UHRF1: variants seen among roughly 807,000 people sequenced by gnomAD.
The protein encoded by UHRF1 is ubiquitin like with PHD and ring finger domains 1.
Under a neutral mutation model 96.5 loss-of-function variants are expected in UHRF1, and 9 were observed. The observed-to-expected ratio is 0.09, with a 90% CI of 0.06 to 0.16. The LOEUF (loss-of-function observed/expected upper bound fraction) is 0.16. Ranked by LOEUF, UHRF1 falls within the 10% of genes least tolerant of loss-of-function variation. The probability of loss-of-function intolerance (pLI) is 1.00; values close to 1 mark genes in which losing one functional copy is unlikely to be tolerated. For synonymous variants in UHRF1, 455 were observed against 469.9 expected (o/e 0.97, Z 0.41); for missense variants, 626 against 1,131.1 (o/e 0.55, Z 6.40).
intron 13 of UHRF1, among the ~76,000 whole-genome samples, chr19:4,953,317 G>A (rs1385303271): frequency 6.6e-6 from 1 of 152,168 alleles, no homozygotes; most frequent in Non-Finnish European, 1.5e-5. Context: ...AACCGTTGAT[G>A]TATAATTTTT....
chr19:4,938,995 C>G (rs969157522), intron 5 of UHRF1, among the ~76,000 whole-genome samples: 1 of 151,814 alleles, frequency 6.6e-6, no homozygotes, highest in African/African-American at 2.4e-5. Flanking sequence ...TTCCCTGCAA[C>G]CTCCACCTCC....
intron 10 of UHRF1, among the ~76,000 whole-genome samples, chr19:4,946,607 G>A (rs895842132): frequency 1.3e-4 from 20 of 149,092 alleles, no homozygotes; most frequent in Non-Finnish European, 2.8e-4. Context: ...TTTTGAGACC[G>A]AGTCTCATTC....
intron 5 of UHRF1, among the ~76,000 whole-genome samples, chr19:4,939,135 C>G (rs2033308681): frequency 6.6e-6 from 1 of 150,712 alleles, no homozygotes; most frequent in Admixed American, 6.7e-5. Context: ...CCAGGCTGGT[C>G]TTGAACTCCT....
intron 2 of UHRF1, among the ~76,000 whole-genome samples, chr19:4,927,969 C>T (rs1190155351): frequency 1.3e-5 from 2 of 152,238 alleles, no homozygotes; most frequent in African/African-American, 2.4e-5. Flanking sequence ...CTCCTCTCTC[C>T]CTTCCCACTC....
At chr19:4,911,473 T>C (rs909147388) in intron 2 of UHRF1, among the ~76,000 whole-genome samples, 15 of 152,126 alleles carry the variant, frequency 9.9e-5, no homozygotes, top group Non-Finnish European at 1.6e-4. Context: ...CGGTTAAGCA[T>C]CAGACCCTGC....
At chr19:4,931,814 G>A (rs186287105) in intron 4 of UHRF1, among the ~76,000 whole-genome samples, 11 of 151,972 alleles carry the variant, frequency 7.2e-5, no homozygotes, top group African/African-American at 2.7e-4. Flanking sequence ...AGGCTGGAGT[G>A]CAATGGTGTG....
intron 1 of UHRF1, among the ~76,000 whole-genome samples, chr19:4,904,401 A>C (rs2602716): frequency 2.6e-5 from 4 of 151,864 alleles, no homozygotes; most frequent in African/African-American, 7.3e-5. Context: ...GGATGGTCTC[A>C]ATCTCCTGAC....
intron 2 of UHRF1, among the ~76,000 whole-genome samples, chr19:4,921,122 CAAAAAAGAAAAAAA>C (rs2032687560): frequency 1.4e-5 from 2 of 143,228 alleles, no homozygotes; most frequent in African/African-American, 5.2e-5. Context: ...GACTCCGTCT[CAAAAAAGAAAAAAA>C]AAGAAAGAAA....
intron 2 of UHRF1, among the ~76,000 whole-genome samples, chr19:4,924,098 T>C (rs547986853): frequency 1.3e-5 from 2 of 152,178 alleles, no homozygotes; most frequent in African/African-American, 4.8e-5. Context: ...TCTTGAGTAT[T>C]TGGGATTACA....
At chr19:4,914,825 C>T (rs1194418276) in intron 2 of UHRF1, among the ~76,000 whole-genome samples, 4 of 152,188 alleles carry the variant, frequency 2.6e-5, no homozygotes, top group Non-Finnish European at 1.5e-5. Flanking sequence ...ATACCCACCA[C>T]GCTGCAGCGC....
intron 2 of UHRF1, among the ~76,000 whole-genome samples, chr19:4,913,892 A>G (rs1317661203): frequency 7.3e-6 from 1 of 137,384 alleles, no homozygotes; most frequent in Admixed American, 7.6e-5. Context: ...GCTTACCTCA[A>G]CCTCCACCTC....
At chr19:4,946,041 T>C (rs1161233931) in intron 10 of UHRF1, 76 bp downstream of exon 10, 17 of 1,172,734 alleles carry the variant, frequency 1.4e-5, no homozygotes, top group African/African-American at 3.2e-5. Flanking sequence ...TAGAACAAAA[T>C]TTCCCATCCT....
intron 10 of UHRF1, 61 bp downstream of exon 10, chr19:4,946,026 A>C: frequency 1.5e-6 from 2 of 1,330,770 alleles, no homozygotes; most frequent in Non-Finnish European, 2.1e-6. Context: ...TGGTGGTAAA[A>C]TACATAGAAC....
intron 5 of UHRF1, among the ~76,000 whole-genome samples, chr19:4,937,534 T>C (rs1481121947): frequency 6.6e-6 from 1 of 151,920 alleles, no homozygotes; most frequent in African/African-American, 2.4e-5. Flanking sequence ...CAGCTTATTT[T>C]TGTATTTTTA....
chr19:4,944,139 C>A lies in UHRF1; in HGVS notation c.1081C>A (p.Pro361Thr). ...SVPSEDEWYC[P>T]ECRNDASEVV... The stretch of plus-strand genomic sequence containing the variant: ...ACAATCCCGACCTCGCAGGTACTGC[C>A]CTGAGTGCCGGAATGATGCCAGCGA... The change falls in exon 8 of 17, where the codon CCT becomes ACT. Residue 361 changes from proline to threonine, a missense_variant. This residue lies in a region of UHRF1 where 69 missense variants were observed against 159.8 expected (regional missense o/e 0.43). Coordinates refer to ENST00000650932, the MANE Select transcript of UHRF1 (RefSeq NM_001048201.3). The A allele has an allele frequency of 6.2e-7, 1 of 1,613,808 alleles. No homozygotes were observed. The highest frequency in any genetic ancestry group is 8.5e-7 in the Non-Finnish European group (1 of 1,179,868).
In UHRF1 at chr19:4,947,125, A is replaced by G. The variant is rs772087311; in HGVS notation, c.1431A>G (p.Thr477=). 1.2e-6 allele frequency: 2 copies of G among 1,613,172 alleles called. No homozygotes were observed. The highest frequency in any genetic ancestry group is 2.2e-5 in the East Asian group (1 of 44,854). Residue 477 remains threonine (T), a synonymous_variant, in exon 11 of 17, where the codon ACA becomes ACG. Transcript: ENST00000650932. ...TTCAGGACCATGGGAATTTTTTCACATACACGGGTAGTGGTGGTCGAGATC... is the reference window on the plus strand; with the variant it reads ...TTCAGGACCATGGGAATTTTTTCACGTACACGGGTAGTGGTGGTCGAGATC... ...EDDVDHGNFF[T]YTGSGGRDLS...
intron 16 of UHRF1, among the ~76,000 whole-genome samples, chr19:4,958,785 A>G (rs2033919916): frequency 6.6e-6 from 1 of 152,000 alleles, no homozygotes; most frequent in Non-Finnish European, 1.5e-5. Flanking sequence ...CAGCCCGGGC[A>G]ACATGGTGAA....
intron 16 of UHRF1, among the ~76,000 whole-genome samples, chr19:4,960,303 G>C (rs1196242950): frequency 6.6e-6 from 1 of 152,210 alleles, no homozygotes; most frequent in Non-Finnish European, 1.5e-5. Context: ...GGAAGGAGAG[G>C]TGCCGTCTTG....
chr19:4,922,950 G>C (rs897675615), intron 2 of UHRF1, among the ~76,000 whole-genome samples: 2 of 152,214 alleles, frequency 1.3e-5, no homozygotes, highest in African/African-American at 4.8e-5. Context: ...GGGGCGACCC[G>C]TCAGGCCCAG....
Sources: allele counts gnomAD v4.1 joint callset (sites outside exome capture counted in the v4.1 genomes callset), GRCh38; gene constraint gnomAD v4.1.1; regional missense constraint gnomAD v4.1.1; transcripts MANE v1.5; gene names NCBI Gene and HGNC (gene_info 2026-07-23, HGNC 2026-07-21).